The following ERCC6L2 variants were observed in gnomAD, a reference collection of about 807,000 sequenced individuals.
The protein encoded by ERCC6L2 is ERCC excision repair 6 like 2, also known as DNA excision repair protein ERCC-6-like 2.
A neutral mutation model predicts 132.0 loss-of-function variants in ERCC6L2; 77 were observed. That is an observed-to-expected ratio of 0.58 (90% CI 0.49 to 0.71). The LOEUF is 0.71. Ranked by LOEUF, ERCC6L2 falls within the 30% of genes least tolerant of loss-of-function variation. ERCC6L2 has a pLI of 0.00. For missense variants in ERCC6L2, 1,542 were observed against 1,837.6 expected, an observed-to-expected ratio of 0.84 and a Z score of 2.94; for synonymous variants, 583 against 632.4, an observed-to-expected ratio of 0.92 and a Z score of 1.17.
intron 17 of ERCC6L2, among the ~76,000 whole-genome samples, chr9:95,991,385 T>C (rs961122349): frequency 2.0e-5 from 3 of 152,198 alleles, no homozygotes; most frequent in Non-Finnish European, 4.4e-5. Context: ...ACTGCCCATC[T>C]TTTTTATGTT....
chr9:95,884,874 G>A (rs888612245), intron 2 of ERCC6L2, among the ~76,000 whole-genome samples: 5 of 152,190 alleles, frequency 3.3e-5, no homozygotes, highest in Non-Finnish European at 5.9e-5. Flanking sequence ...AGAGAGAGAC[G>A]AGAATTTGAG....
intron 2 of ERCC6L2, among the ~76,000 whole-genome samples, chr9:95,886,019 C>T (rs1554734559): frequency 6.6e-6 from 1 of 151,900 alleles, no homozygotes; most frequent in Non-Finnish European, 1.5e-5. Context: ...TTGTTGTTCT[C>T]TTTTTGTTTT....
At position 95,897,835 on chromosome 9, in the gene ERCC6L2, T is replaced by C; in HGVS notation, c.472-14T>C. On this transcript the variant is annotated splice_polypyrimidine_tract_variant and intron_variant, in intron 2 of 18. Coordinates refer to ENST00000653738, the MANE Select transcript of ERCC6L2 (RefSeq NM_020207.7). Reference sequence around the variant, plus strand: ...ACATTATACACAGTGATTGAAAAAGTCTTTTTTCCCCAGGTTATTTCATTT... The same window carrying C: ...ACATTATACACAGTGATTGAAAAAGCCTTTTTTCCCCAGGTTATTTCATTT... The C allele has an allele frequency of 6.2e-7, 1 of 1,611,994 alleles. No homozygotes were observed. Among genetic ancestry groups the C allele is most frequent in the Non-Finnish European group, 8.5e-7 (1 of 1,179,160 alleles).
At position 95,928,110 on chromosome 9, in the gene ERCC6L2, A is replaced by G. The variant is rs1216039049; in HGVS notation, c.1565A>G (p.Lys522Arg). Residue 522 changes from lysine (K) to arginine (R), a missense_variant, in exon 10 of 19, where the codon AAA (lysine) becomes AGA (arginine). Lys to Arg is a conservative substitution (Grantham distance 26). Transcript: ENST00000653738. ...CAGCAGCTTTTAAATCATTGCAGGAAAAACAGAGATAAAGTTCTTCTCTTT... is the reference window on the plus strand; with the variant it reads ...CAGCAGCTTTTAAATCATTGCAGGAGAAACAGAGATAAAGTTCTTCTCTTT... Reference protein sequence around the residue: ...VLQQLLNHCRKNRDKVLLFSF... With the variant: ...VLQQLLNHCRRNRDKVLLFSF... The G allele has an allele frequency of 6.2e-7, 1 of 1,613,114 alleles. No homozygotes were observed. Among genetic ancestry groups the G allele is most frequent in the Non-Finnish European group, 8.5e-7 (1 of 1,179,384 alleles).
rs970537390 is a variant in ERCC6L2, at chr9:96,013,422, T to C, written c.*219T>C. The C allele has an allele frequency of 2.9e-5, 8 of 271,702 alleles. No homozygotes were observed. The highest frequency in any genetic ancestry group is 4.0e-5 in the Non-Finnish European group (6 of 149,064). The allele number at this position is 271,702 out of a possible 1,614,324, so 16.8% of individuals were successfully genotyped here. Reference sequence around the variant, plus strand: ...TATGATTGTATTTATAGTATAAACCTCTGTTATGAATTAGAAAAGATTCTA... The same window carrying C: ...TATGATTGTATTTATAGTATAAACCCCTGTTATGAATTAGAAAAGATTCTA... On this transcript the variant is annotated 3_prime_UTR_variant, in exon 19 of 19. Transcript: ENST00000653738.
chr9:96,037,061 C>T (rs1424265728), intron 19 of ERCC6L2, among the ~76,000 whole-genome samples: 4 of 152,076 alleles, frequency 2.6e-5, no homozygotes, highest in East Asian at 1.9e-4. Flanking sequence ...CCACTGCGCC[C>T]GGCCCCATTT....
chr9:95,962,124 A>C (rs370732615), intron 13 of ERCC6L2, among the ~76,000 whole-genome samples: 1 of 152,198 alleles, frequency 6.6e-6, no homozygotes, highest in African/African-American at 2.4e-5. Context: ...TTAAAAATGC[A>C]AGTGGTTAAC....
intron 20 of ERCC6L2, among the ~76,000 whole-genome samples, chr9:96,040,626 G>T (rs999946232): frequency 6.6e-6 from 1 of 152,176 alleles, no homozygotes; most frequent in Non-Finnish European, 1.5e-5. Flanking sequence ...AAGGACAATG[G>T]TGACTCCTGG....
At chr9:96,001,401 A>G (rs1455408558) in intron 17 of ERCC6L2, among the ~76,000 whole-genome samples, 4 of 152,102 alleles carry the variant, frequency 2.6e-5, no homozygotes, top group African/African-American at 9.7e-5. Context: ...CTAGATACAA[A>G]GGTTCTCCAC....
chr9:95,937,478 A>AT (rs1044825912), intron 11 of ERCC6L2, among the ~76,000 whole-genome samples: 7 of 151,644 alleles, frequency 4.6e-5, no homozygotes, highest in African/African-American at 1.7e-4. Context: ...TGGAGGGGTT[A>AT]TTTTTTTTCC....
intron 18 of ERCC6L2, among the ~76,000 whole-genome samples, chr9:96,008,796 G>A (rs773009125): frequency 4.6e-5 from 7 of 152,218 alleles, no homozygotes; most frequent in African/African-American, 7.2e-5. Flanking sequence ...CTGCGGCTTC[G>A]TTGAAGTCAC....
intron 2 of ERCC6L2, among the ~76,000 whole-genome samples, chr9:95,890,835 A>G (rs1828121417): frequency 1.3e-5 from 2 of 152,038 alleles, no homozygotes; most frequent in African/African-American, 4.8e-5. Flanking sequence ...GGCCTGGGTA[A>G]TTTTTGTACT....
chr9:95,988,531 A>G (rs1833179598), intron 17 of ERCC6L2, among the ~76,000 whole-genome samples: 2 of 152,330 alleles, frequency 1.3e-5, no homozygotes, highest in African/African-American at 2.4e-5. Context: ...ATGTAAGGCT[A>G]TTTTGTTGCA....
chr9:95,899,241 G>T (rs1051265514), intron 3 of ERCC6L2, among the ~76,000 whole-genome samples: 2 of 152,092 alleles, frequency 1.3e-5, no homozygotes, highest in Non-Finnish European at 2.9e-5. Context: ...CTTGAGCCCA[G>T]GAGTTAAAGA....
At chr9:95,997,321 T>C (rs676453) in intron 17 of ERCC6L2, among the ~76,000 whole-genome samples, 99,398 of 152,096 alleles carry the variant, frequency 0.65, 33,346 homozygotes, top group African/African-American at 0.8. Context: ...GAACTAACTG[T>C]AGATGTGGTG....
At chr9:95,994,982 G>T (rs1006533309) in intron 17 of ERCC6L2, among the ~76,000 whole-genome samples, 1 of 152,118 alleles carries the variant, frequency 6.6e-6, no homozygotes, top group Non-Finnish European at 1.5e-5. Flanking sequence ...TTAATAGAGG[G>T]TTTCTTATTT....
chr9:96,025,196 G>A (rs954459359), intron 19 of ERCC6L2, among the ~76,000 whole-genome samples: 1 of 152,152 alleles, frequency 6.6e-6, no homozygotes, highest in African/African-American at 2.4e-5. Flanking sequence ...CAGGTGTGGC[G>A]TGGTGTCGAA....
intron 13 of ERCC6L2, 34 bp downstream of exon 13, chr9:95,956,047 C>A: frequency 1.6e-6 from 2 of 1,279,526 alleles, no homozygotes; most frequent in South Asian, 1.3e-5. Flanking sequence ...TTTCAGAGGT[C>A]AACATTTATC....
intron 9 of ERCC6L2, 32 bp downstream of exon 9, chr9:95,923,411 C>T (rs1829964437): frequency 1.2e-5 from 19 of 1,607,412 alleles, no homozygotes; most frequent in Non-Finnish European, 1.5e-5. Context: ...TGCATACAGA[C>T]ATGATACACA....
Sources: gnomAD v4.1 joint callset for allele counts (sites outside exome capture counted in the v4.1 genomes callset) on GRCh38, gnomAD v4.1.1 for gene constraint, MANE v1.5 for transcripts, NCBI Gene and HGNC (gene_info 2026-07-23, HGNC 2026-07-21) for gene names.